Variants in PRKAG3 observed in about 807,000 individuals in gnomAD.
PRKAG3 encodes protein kinase AMP-activated non-catalytic subunit gamma 3, also known as 5'-AMP-activated protein kinase subunit gamma-3.
In PRKAG3, 39 loss-of-function variants were observed where a neutral mutation model predicts 56.5. The ratio of observed to expected loss-of-function variants is 0.69; its 90% CI spans 0.53 to 0.90. The LOEUF is 0.90. Among genes scored for constraint, PRKAG3 ranks in the 40% least tolerant of loss-of-function variants. PRKAG3 has a pLI of 0.00. For missense variants in PRKAG3, 628 were observed against 627.5 expected (o/e 1.00, Z -0.01); for synonymous variants, 243 against 250.1 (o/e 0.97, Z 0.27).
In PRKAG3 at chr2:218,827,180, A is replaced by G. The variant is rs571806638; in HGVS notation, c.1002+67T>C. The stretch of plus-strand genomic sequence containing the variant: ...TCTTCCCCACGACTGCTAGGGCTGA[A>G]GACTCCTCAGGCCCTCTGATCACCT... On this transcript the variant is annotated intron_variant, in intron 9 of 12. Coordinates refer to ENST00000529249, the Ensembl canonical transcript of PRKAG3. The surrounding 1 kb of genome is among the most constrained non-coding windows in gnomAD (Gnocchi z 5.3). 8 of 1,613,472 alleles carry G rather than the reference A, an allele frequency of 5.0e-6. No individual in the cohort carries two copies. Among genetic ancestry groups the G allele is most frequent in the Non-Finnish European group, 6.8e-6 (8 of 1,179,814 alleles).
At chr2:218,826,741 G>A (rs1374060224) in intron 10 of PRKAG3, 187 bp downstream of exon 10, 35 of 674,790 alleles carry the variant, frequency 5.2e-5, no homozygotes, top group Non-Finnish European at 7.7e-5. Context: ...TCACAAAGGA[G>A]GAAACTGAGG....
exon 13 of PRKAG3, chr2:218,823,481 C>T: frequency 2.1e-6 from 1 of 477,100 alleles, no homozygotes; most frequent in Non-Finnish European, 3.7e-6. Context: ...ATGACCTCAG[C>T]TGAAAATGGG....
chr2:218,831,601 A>G, intron 1 of PRKAG3, 137 bp downstream of exon 1: 4 of 1,203,852 alleles, frequency 3.3e-6, no homozygotes, highest in Non-Finnish European at 4.8e-6. Flanking sequence ...CCAAACATGC[A>G]CATGCCCATA....
intron 3 of PRKAG3, 126 bp downstream of exon 3, chr2:218,830,620 C>A: frequency 7.8e-7 from 1 of 1,278,592 alleles, no homozygotes; most frequent in East Asian, 2.4e-5. Flanking sequence ...GAGACTGAGG[C>A]CACAAGATGA....
At chr2:218,828,246 C>T (rs540666112) in intron 5 of PRKAG3, among the ~76,000 whole-genome samples, 184 bp from the exon 6 acceptor site, 3 of 152,214 alleles carry the variant, frequency 2.0e-5, no homozygotes, top group Non-Finnish European at 4.4e-5. Context: ...TGCCTCCCCC[C>T]ATTTGCTCCC....
intron 3 of PRKAG3, 119 bp downstream of exon 3, chr2:218,830,627 A>G: frequency 7.6e-7 from 1 of 1,324,186 alleles, no homozygotes; most frequent in Non-Finnish European, 1.0e-6. Flanking sequence ...AGGCCACAAG[A>G]TGAAGGTTGG....
intron 12 of PRKAG3, 134 bp downstream of exon 12, chr2:218,824,088 C>T: frequency 6.9e-7 from 1 of 1,442,592 alleles, no homozygotes; most frequent in South Asian, 1.2e-5. Context: ...CAGGTGCAGG[C>T]CAGTGTGGGC....
rs934736448 is a variant in PRKAG3 at position 218,831,683 on chromosome 2, G to A, written c.33+55C>T. On this transcript the variant is annotated intron_variant, in intron 1 of 12. Coordinates refer to ENST00000529249, the Ensembl canonical transcript of PRKAG3. ...CCACACACACATTCACAGCCCGTGCGCTCAATCTTCTGGCCTCAGCTGCCC... is the reference window on the plus strand; with the variant it reads ...CCACACACACATTCACAGCCCGTGCACTCAATCTTCTGGCCTCAGCTGCCC... 6.9e-6 allele frequency: 11 copies of A among 1,588,620 alleles called. No individual in the cohort carries two copies. The Admixed American group carries it at 7.1e-5, about 10-fold the overall frequency.
intron 11 of PRKAG3, 25 bp downstream of exon 11, chr2:218,824,514 A>C: frequency 6.2e-7 from 1 of 1,608,788 alleles, no homozygotes; most frequent in Non-Finnish European, 8.5e-7. Flanking sequence ...TCCCTGCAGC[A>C]TCCCACCTTT....
In PRKAG3 at chr2:218,827,656, G is replaced by C. The variant is rs1311978163; in HGVS notation, c.821-27C>G. On this transcript the variant is annotated intron_variant, in intron 7 of 12. Transcript: ENST00000529249. This position sits in a 1 kb window ranked among gnomAD's most constrained non-coding sequence, Gnocchi z 5.3. ...TGCAGAAAGAGCCAGAGTCAGGCCA[G>C]GGGAGCCGGTCACCTGCCTCACCTT... 17 of 1,612,928 alleles carry C rather than the reference G, an allele frequency of 1.1e-5. No homozygotes were observed. Among genetic ancestry groups the C allele is most frequent in the Non-Finnish European group, 1.4e-5 (17 of 1,179,068 alleles).
At chr2:218,824,677 G>A in intron 10 of PRKAG3, 101 bp from the exon 11 acceptor site, 1 of 1,064,266 alleles carries the variant, frequency 9.4e-7, no homozygotes, top group South Asian at 1.3e-5. Flanking sequence ...TTTGCATCAG[G>A]GTGCCACTAC....
Position 218,827,707 on chromosome 2 carries a change from T to C in PRKAG3, c.821-78A>G. ...GCAGTCCCAGGCAGCTTCCCTTCCG[T>C]CAGGCACCCGAGGCTCCTATTGTCC... On this transcript the variant is annotated intron_variant, in intron 7 of 12. Coordinates refer to ENST00000529249, the Ensembl canonical transcript of PRKAG3. This position sits in a 1 kb window ranked among gnomAD's most constrained non-coding sequence, Gnocchi z 5.3. 6.3e-7 allele frequency: 1 copy of C among 1,575,192 alleles called. No individual in the cohort carries two copies. The highest frequency in any genetic ancestry group is 8.7e-7 in the Non-Finnish European group (1 of 1,144,960).
exon 4 of PRKAG3, chr2:218,830,161 T>A (rs769474368): frequency 1.9e-6 from 3 of 1,614,170 alleles, no homozygotes; most frequent in Non-Finnish European, 2.5e-6. Flanking sequence ...CCAGCAGGCC[T>A]TCTAGCTCAC....
At chr2:218,824,418 C>T (rs1178418862) in intron 11 of PRKAG3, 50 bp from the exon 12 acceptor site, 14 of 1,613,666 alleles carry the variant, frequency 8.7e-6, no homozygotes, top group African/African-American at 1.3e-5. Context: ...TGCCTGGGCT[C>T]CTACCCTACA....
downstream of PRKAG3, chr2:218,823,010 C>T (rs948352618): frequency 1.3e-5 from 13 of 984,590 alleles, no homozygotes; most frequent in African/African-American, 2.3e-4. Context: ...CCATGGTGCA[C>T]TGGGCATGCC....
In PRKAG3 at chr2:218,829,967, C is replaced by T. The variant is rs777983976; in HGVS notation, c.633+11G>A. The T allele has an allele frequency of 9.3e-6, 15 of 1,611,608 alleles. No homozygotes were observed. The highest frequency in any genetic ancestry group is 6.6e-5 in the South Asian group (6 of 91,036). ...AGAGTGAGTACAGGTTGGGCAGAGC[C>T]GTGGCCTCACCTCCAGCATGGTGTC... On this transcript the variant is annotated intron_variant, in intron 4 of 12. Transcript: ENST00000529249.
rs772078651 is a variant in PRKAG3, at chr2:218,828,075, G to C, written c.716-13C>G. The C allele has an allele frequency of 6.4e-7, 1 of 1,553,932 alleles. No homozygotes were observed. Among genetic ancestry groups the C allele is most frequent in the Non-Finnish European group, 8.7e-7 (1 of 1,148,116 alleles). ...ATGGTCAGCATCCCTGCAGGGAGGG[G>C]CGGGGAGGAGGTCAGCCCGGGGCCT... On this transcript the variant is annotated splice_polypyrimidine_tract_variant and intron_variant, in intron 5 of 12. Transcript: ENST00000529249.
In PRKAG3 at chr2:218,828,176, C is replaced by A. The variant is rs956705931; in HGVS notation, c.716-114G>T. 1.5e-5 allele frequency: 16 copies of A among 1,062,262 alleles called. No individual in the cohort carries two copies. In the South Asian group the frequency reaches 2.4e-4, roughly 16 times the overall value. The allele number at this position is 1,062,262 out of a possible 1,614,324, so 65.8% of individuals were successfully genotyped here. On this transcript the variant is annotated intron_variant, in intron 5 of 12. Transcript: ENST00000529249. ...TCCTTGTGCTGAGACACAGTGGGGA[C>A]TGTGGGAACAGGACAGTGGGGCAGC... is the stretch of plus-strand genomic sequence containing the variant.
At chr2:218,824,016 G>A (rs1399900806) in intron 12 of PRKAG3, 138 bp from the exon 13 acceptor site, 13 of 1,198,884 alleles carry the variant, frequency 1.1e-5, no homozygotes, top group Non-Finnish European at 1.6e-5. Context: ...TAGGGATGGT[G>A]TGACCGGCCT....
Sources: allele counts gnomAD v4.1 joint callset (sites outside exome capture counted in the v4.1 genomes callset), GRCh38; gene constraint gnomAD v4.1.1; non-coding constraint Gnocchi (gnomAD v3.1); transcripts MANE v1.5; gene names NCBI Gene and HGNC (gene_info 2026-07-23, HGNC 2026-07-21).